PCDHA1: variants seen among roughly 807,000 people sequenced by gnomAD.
PCDHA1 encodes the protein protocadherin alpha-1.
PCDHA1 carries 42 observed loss-of-function variants against 61.3 expected under a neutral mutation model. The ratio of observed to expected loss-of-function variants is 0.69; its 90% CI spans 0.54 to 0.89. The LOEUF (loss-of-function observed/expected upper bound fraction) is 0.89, where lower values mean the gene tolerates loss of function less well. Ranked by LOEUF, PCDHA1 falls within the 40% of genes least tolerant of loss-of-function variation. The probability of loss-of-function intolerance (pLI) is 0.00; values close to 1 mark genes in which losing one functional copy is unlikely to be tolerated. For missense variants in PCDHA1, 1,256 were observed against 1,235.3 expected (o/e 1.02, Z -0.25); for synonymous variants, 610 against 553.8 (o/e 1.10, Z -1.43).
chr5:140,963,811 G>A (rs2153736544), intron 1 of PCDHA1, among the ~76,000 whole-genome samples: 1 of 152,288 alleles, frequency 6.6e-6, no homozygotes, highest in Middle Eastern at 3.4e-3. Context: ...TAGTCACTGT[G>A]CAAATTGCTT....
At chr5:140,864,027 G>A (rs2048287135) in intron 1 of PCDHA1, 1 of 152,794 alleles carries the variant, frequency 6.5e-6, no homozygotes, top group Non-Finnish European at 1.5e-5. Flanking sequence ...TGGAAGTCTA[G>A]CCATCTTAAT....
rs571215806 is a variant in PCDHA1, at chr5:140,940,454, G to T, written c.2395-38495G>T. Among the ~76,000 whole-genome samples, 18 of 151,694 alleles carry T rather than the reference G, an allele frequency of 1.2e-4. No homozygotes were observed. The East Asian group carries it at 3.3e-3, about 28-fold the overall frequency. On this transcript the variant is annotated intron_variant, in intron 1 of 3. Coordinates refer to ENST00000504120, the MANE Select transcript of PCDHA1 (RefSeq NM_018900.4). ...AAGTCTGCCATGATATTTTTTATAGGTTTCTGTTCCCTGCAATTTTTTTTT... is the reference window on the plus strand; with the variant it reads ...AAGTCTGCCATGATATTTTTTATAGTTTTCTGTTCCCTGCAATTTTTTTTT...
intron 1 of PCDHA1, chr5:140,812,129 G>A (rs1240685274): frequency 6.7e-6 from 1 of 149,138 alleles, no homozygotes; most frequent in Non-Finnish European, 1.5e-5. Flanking sequence ...CTCCAGGAAA[G>A]ATATCTGGTT....
At chr5:140,958,995 T>G (rs868959473) in intron 1 of PCDHA1, among the ~76,000 whole-genome samples, 1 of 152,148 alleles carries the variant, frequency 6.6e-6, no homozygotes, top group African/African-American at 2.4e-5. Flanking sequence ...TGCTAATCTT[T>G]TACTGTACCT....
At position 140,787,804 on chromosome 5, in the gene PCDHA1, C is replaced by T. The variant is rs1761403385; in HGVS notation, c.1514C>T (p.Ser505Leu). The change falls in exon 1 of 4, where the codon TCG becomes TTG. Residue 505 changes from serine to leucine, a missense_variant. Transcript: ENST00000504120. ...CGGCGGGTGGGCGAGCGCGCGCTGTCGAACTACGTGTCAGTGCACGCGGAG... is the reference window on the plus strand; with the variant it reads ...CGGCGGGTGGGCGAGCGCGCGCTGTTGAACTACGTGTCAGTGCACGCGGAG... The part of the protein sequence containing the change: ...VERRVGERAL[S>L]NYVSVHAESG... The T allele has an allele frequency of 1.9e-6, 3 of 1,612,542 alleles. No homozygotes were observed. The highest frequency in any genetic ancestry group is 8.5e-7 in the Non-Finnish European group (1 of 1,179,792).
chr5:140,982,483 A>G lies in PCDHA1; in HGVS notation c.2462A>G (p.His821Arg). Residue 821 changes from histidine (H) to arginine (R), a missense_variant, in exon 3 of 4, where the codon CAC (histidine) becomes CGC (arginine). His to Arg is a conservative substitution (Grantham distance 29, BLOSUM62 0). Transcript: ENST00000504120. ...SLRAGMHSSV[H>R]LEEAGILRAG... ...TCTGTGTGTTTATTCAGCTCTGTGC[A>G]CCTAGAGGAGGCTGGCATTCTACGG... The G allele has an allele frequency of 1.2e-6, 2 of 1,614,142 alleles. No homozygotes were observed. Among genetic ancestry groups the G allele is most frequent in the Non-Finnish European group, 1.7e-6 (2 of 1,180,016 alleles).
chr5:140,836,704 C>T (rs189142588), intron 1 of PCDHA1: 1 of 1,613,294 alleles, frequency 6.2e-7, no homozygotes, highest in Admixed American at 1.7e-5. Flanking sequence ...GCCTTCAGTC[C>T]CAGCCTTCCT....
chr5:140,807,804 C>A lies in PCDHA1; in HGVS notation c.2394+19120C>A, dbSNP rs370687848. 1.2e-5 allele frequency: 20 copies of A among 1,614,082 alleles called. No individual in the cohort carries two copies. The African/African-American group carries it at 1.7e-4, about 14-fold the overall frequency. On this transcript the variant is annotated intron_variant, in intron 1 of 3. Transcript: ENST00000504120. ...AAATCTTTAGACAGAGAAGAAGCTCCGGAGATTTTTTTAGTGCTCACAGCC... is the reference window on the plus strand; with the variant it reads ...AAATCTTTAGACAGAGAAGAAGCTCAGGAGATTTTTTTAGTGCTCACAGCC...
chr5:140,996,172 C>G (rs1694773459), intron 3 of PCDHA1, among the ~76,000 whole-genome samples: 1 of 152,210 alleles, frequency 6.6e-6, no homozygotes, highest in African/African-American at 2.4e-5. Flanking sequence ...AATGTGCTGA[C>G]AGCACCTCCA....
At chr5:140,807,475 C>A (rs1554124044) in intron 1 of PCDHA1, 4 of 1,612,816 alleles carry the variant, frequency 2.5e-6, no homozygotes, top group Non-Finnish European at 3.4e-6. Flanking sequence ...AGGAGCTGTG[C>A]CGGCGGAGCG....
At chr5:140,807,275 C>T (rs781978494) in intron 1 of PCDHA1, 2 of 1,614,232 alleles carry the variant, frequency 1.2e-6, no homozygotes, top group Admixed American at 1.7e-5. Context: ...AGGGAACGGT[C>T]AGCTCCACTA....
intron 1 of PCDHA1, chr5:140,795,739 A>G (rs1554119562): frequency 6.2e-7 from 1 of 1,614,070 alleles, no homozygotes; most frequent in Non-Finnish European, 8.5e-7. Context: ...GGCAAATGGG[A>G]CCTTAGTGGT....
chr5:140,969,585 T>A (rs2096344806), intron 1 of PCDHA1: 1 of 896,450 alleles, frequency 1.1e-6, no homozygotes, highest in Admixed American at 3.0e-5. Flanking sequence ...TGAGGATTAG[T>A]CTTAATATTT....
chr5:140,969,019 G>C lies in PCDHA1; in HGVS notation c.2395-9930G>C. 3.1e-6 allele frequency: 5 copies of C among 1,614,164 alleles called. No homozygotes were observed. The South Asian group carries it at 5.5e-5, about 18-fold the overall frequency. ...GAGGCTTCTGTGGAGTAAGGGAAAG[G>C]TCCCCTGCAGAACTGTACAAACAAG... On this transcript the variant is annotated intron_variant, in intron 1 of 3. Transcript: ENST00000504120.
chr5:140,965,029 A>G (rs1252337885), intron 1 of PCDHA1, among the ~76,000 whole-genome samples: 2 of 152,178 alleles, frequency 1.3e-5, no homozygotes, highest in Non-Finnish European at 2.9e-5. Context: ...GGCTCCTTTA[A>G]CTGTCCGCTC....
At chr5:140,797,302 C>A in intron 1 of PCDHA1, 1 of 1,614,176 alleles carries the variant, frequency 6.2e-7, no homozygotes, top group Non-Finnish European at 8.5e-7. Context: ...ATCTCAAGGT[C>A]CAGACTCCGC....
intron 1 of PCDHA1, chr5:140,848,326 C>T (rs1554142056): frequency 2.5e-6 from 2 of 808,244 alleles, no homozygotes; most frequent in African/African-American, 3.4e-5. Flanking sequence ...GATGTTCTCT[C>T]TGAATCCAGA....
chr5:140,884,138 G>A (rs782798249), intron 1 of PCDHA1: 3 of 1,613,410 alleles, frequency 1.9e-6, no homozygotes, highest in South Asian at 1.1e-5. Context: ...CCCGTTCCGC[G>A]TGGGGCTGTA....
At chr5:140,938,476 T>A (rs1393084209) in intron 1 of PCDHA1, among the ~76,000 whole-genome samples, 2 of 152,194 alleles carry the variant, frequency 1.3e-5, no homozygotes, top group African/African-American at 2.4e-5. Context: ...TTATGTTTTT[T>A]AAAAATCATG....
Sources: gnomAD v4.1 joint callset for allele counts (sites outside exome capture counted in the v4.1 genomes callset) on GRCh38, gnomAD v4.1.1 for gene constraint, MANE v1.5 for transcripts, NCBI Gene and HGNC (gene_info 2026-07-23, HGNC 2026-07-21) for gene names.